Variants in LIMCH1 observed in about 807,000 individuals in gnomAD.
The protein encoded by LIMCH1 is LIM and calponin homology domains 1, also known as LIM and calponin homology domains-containing protein 1.
In LIMCH1, 113 loss-of-function variants were observed where a neutral mutation model predicts 176.5. The observed-to-expected ratio is 0.64, with a 90% confidence interval of 0.55 to 0.75. LIMCH1 has a LOEUF of 0.75. Ranked by LOEUF, LIMCH1 falls within the 30% of genes least tolerant of loss-of-function variation. The probability of loss-of-function intolerance (pLI) is 0.00; values close to 1 mark genes in which losing one functional copy is unlikely to be tolerated. For synonymous variants in LIMCH1, 619 were observed against 645.9 expected (o/e 0.96, Z 0.63); for missense variants, 1,674 against 1,814.9 (o/e 0.92, Z 1.41).
chr4:41,648,274 A>T lies in LIMCH1; in HGVS notation c.2820+1381A>T, dbSNP rs542338796. On this transcript the variant is annotated intron_variant, in intron 17 of 31. Coordinates refer to ENST00000503057, the MANE Select transcript of LIMCH1 (RefSeq NM_001330672.2). ...TCTAGATGTCCACTTTCCCTCCTTTATCTAAATAGTGCAAAGTGATCGTTT... is the reference window on the plus strand; with the variant it reads ...TCTAGATGTCCACTTTCCCTCCTTTTTCTAAATAGTGCAAAGTGATCGTTT... Among the ~76,000 whole-genome samples the T allele has an allele frequency of 3.9e-4, 59 of 152,348 alleles. 1 individual carries two copies. The highest frequency in any genetic ancestry group is 1.4e-3 in the African/African-American group (59 of 41,574).
At chr4:41,543,175 T>C (rs1415172290) in intron 1 of LIMCH1, among the ~76,000 whole-genome samples, 1 of 152,146 alleles carries the variant, frequency 6.6e-6, no homozygotes, top group Non-Finnish European at 1.5e-5. Flanking sequence ...CAATAAAGAG[T>C]ATTTGTTCCT....
chr4:41,478,004 A>G (rs2068008282), intron 1 of LIMCH1, among the ~76,000 whole-genome samples: 1 of 152,220 alleles, frequency 6.6e-6, no homozygotes, highest in Non-Finnish European at 1.5e-5. Flanking sequence ...TAAAAGTAGC[A>G]TTTCTCGCCA....
intron 1 of LIMCH1, among the ~76,000 whole-genome samples, chr4:41,490,781 T>A (rs2154172897): frequency 6.6e-6 from 1 of 152,380 alleles, no homozygotes; most frequent in Admixed American, 6.5e-5. Context: ...CCGTTCTCGA[T>A]GATCGCTGTC....
At position 41,644,494 on chromosome 4, in the gene LIMCH1, ACT is replaced by A. The variant is rs773183752; in HGVS notation, c.2127-4_2127-3del. ...TCCCTCTTGTGTTCGCTCTCTCCACACTCAGGAGCACCAGCATGTTTGACATG... is the reference window on the plus strand; with the variant it reads ...TCCCTCTTGTGTTCGCTCTCTCCACACAGGAGCACCAGCATGTTTGACATG... On this transcript the variant is annotated splice_polypyrimidine_tract_variant and splice_region_variant and intron_variant, in intron 14 of 31. Coordinates refer to ENST00000503057, the MANE Select transcript of LIMCH1 (RefSeq NM_001330672.2). 57 of 1,548,986 alleles carry A rather than the reference ACT, an allele frequency of 3.7e-5. No homozygotes were observed. Among genetic ancestry groups the A allele is most frequent in the Admixed American group, 1.6e-4 (8 of 50,470 alleles).
rs574796980 is a variant in LIMCH1, at chr4:41,566,057, C to A, written c.-241+27707C>A. On this transcript the variant is annotated intron_variant, in intron 1 of 31. Coordinates refer to ENST00000503057, the MANE Select transcript of LIMCH1 (RefSeq NM_001330672.2). Reference sequence around the variant, plus strand: ...TAGTAAGACAGAGCCAGAGTTCAAACCAAAGTCTGTCTCATTCATCCCTGA... The same window carrying A: ...TAGTAAGACAGAGCCAGAGTTCAAAACAAAGTCTGTCTCATTCATCCCTGA... Among the ~76,000 whole-genome samples, 7 of 152,324 alleles carry A rather than the reference C, an allele frequency of 4.6e-5. No individual in the cohort carries two copies. The East Asian group carries it at 7.7e-4, about 17-fold the overall frequency.
intron 20 of LIMCH1, among the ~76,000 whole-genome samples, chr4:41,666,274 G>A (rs1356751276): frequency 6.6e-6 from 1 of 152,192 alleles, no homozygotes; most frequent in Non-Finnish European, 1.5e-5. Flanking sequence ...AAATAAGAGA[G>A]TAATGTATAA....
chr4:41,478,041 G>GA (rs964223034), intron 1 of LIMCH1, among the ~76,000 whole-genome samples: 4 of 151,990 alleles, frequency 2.6e-5, no homozygotes, highest in African/African-American at 7.2e-5. Flanking sequence ...CAACTAAGTG[G>GA]AAAAAAATAC....
intron 1 of LIMCH1, among the ~76,000 whole-genome samples, chr4:41,399,346 G>A (rs1258394560): frequency 1.3e-5 from 2 of 152,128 alleles, no homozygotes; most frequent in Non-Finnish European, 2.9e-5. Context: ...GAAAAGGGAG[G>A]GAACTCAGAA....
At chr4:41,462,228 G>A (rs1385232307) in intron 1 of LIMCH1, among the ~76,000 whole-genome samples, 1 of 152,180 alleles carries the variant, frequency 6.6e-6, no homozygotes, top group African/African-American at 2.4e-5. Flanking sequence ...ATTGGTCCTA[G>A]AATGTTCTTT....
At chr4:41,593,793 G>A (rs2088134405) in intron 1 of LIMCH1, among the ~76,000 whole-genome samples, 1 of 152,118 alleles carries the variant, frequency 6.6e-6, no homozygotes, top group Admixed American at 6.6e-5. Flanking sequence ...CCACCATATG[G>A]CCCACAAGGC....
At chr4:41,641,289 A>G (rs1413091767) in intron 14 of LIMCH1, among the ~76,000 whole-genome samples, 1 of 152,152 alleles carries the variant, frequency 6.6e-6, no homozygotes, top group Admixed American at 6.5e-5. Flanking sequence ...ACACCTCTTC[A>G]TTTGGGAGGC....
intron 20 of LIMCH1, 150 bp downstream of exon 20, chr4:41,663,134 CGTGTGTGTGTGTGTGTGTGTGT>C (rs60475434): frequency 4.9e-6 from 2 of 406,468 alleles, no homozygotes; most frequent in Admixed American, 3.9e-5. Context: ...TTTTCTTTTT[CGTGTGTGTGTGTGTGTGTGTGT>C]GTGTGTGTGT....
At chr4:41,486,977 T>TACACACACACAC (rs71927545) in intron 1 of LIMCH1, among the ~76,000 whole-genome samples, 4,251 of 138,374 alleles carry the variant, frequency 0.031, 84 homozygotes, top group East Asian at 0.036. Flanking sequence ...CACACATACA[T>TACACACACACAC]ACACACACAC....
Position 41,399,228 on chromosome 4 carries a change from A to G in LIMCH1, c.96+38292A>G, listed in dbSNP as rs974358549. On this transcript the variant is annotated intron_variant, in intron 1 of 26. Coordinates refer to the LIMCH1 transcript ENST00000313860. ...TATTCTGAAAAGCATGCTGTTTTCT[A>G]CAATTCAGACTTCATTATTTATTTG... is the stretch of plus-strand genomic sequence containing the variant. Among the ~76,000 whole-genome samples, 9 of 152,320 alleles carry G rather than the reference A, an allele frequency of 5.9e-5. No individual in the cohort carries two copies. In the East Asian group the frequency reaches 1.5e-3, roughly 26 times the overall value.
chr4:41,443,844 A>G (rs1006275952), intron 1 of LIMCH1, among the ~76,000 whole-genome samples: 3 of 152,352 alleles, frequency 2.0e-5, no homozygotes, highest in East Asian at 1.9e-4. Flanking sequence ...CCTCAGGGCT[A>G]GAGAACTATT....
intron 1 of LIMCH1, among the ~76,000 whole-genome samples, chr4:41,556,660 T>A (rs1320147195): frequency 6.6e-6 from 1 of 152,118 alleles, no homozygotes; most frequent in Non-Finnish European, 1.5e-5. Context: ...GCCCCATATC[T>A]TAAGCAGCAG....
intron 1 of LIMCH1, among the ~76,000 whole-genome samples, chr4:41,568,090 T>C (rs1489683499): frequency 6.6e-6 from 1 of 152,154 alleles, no homozygotes; most frequent in Non-Finnish European, 1.5e-5. Context: ...GAGACAGATG[T>C]TGTAGTGAGC....
At chr4:41,670,876 T>C in intron 21 of LIMCH1, 1 of 1,497,864 alleles carries the variant, frequency 6.7e-7, no homozygotes, top group Non-Finnish European at 8.9e-7. Flanking sequence ...CTTGTCTTCA[T>C]TTCTGATTTC....
chr4:41,465,268 G>A (rs1047987491), intron 1 of LIMCH1, among the ~76,000 whole-genome samples: 6 of 152,030 alleles, frequency 3.9e-5, no homozygotes, highest in Non-Finnish European at 8.8e-5. Context: ...CAGTCTTGTG[G>A]GGGCTGGTTC....
Sources: allele counts gnomAD v4.1 joint callset (sites outside exome capture counted in the v4.1 genomes callset), GRCh38; gene constraint gnomAD v4.1.1; transcripts MANE v1.5; gene names NCBI Gene and HGNC (gene_info 2026-07-23, HGNC 2026-07-21).